FBXW7: variants seen among roughly 807,000 people sequenced by gnomAD.
FBXW7 encodes F-box/WD repeat-containing protein 7.
A neutral mutation model predicts 86.3 loss-of-function variants in FBXW7; 11 were observed. The observed-to-expected ratio is 0.13, with a 90% confidence interval of 0.08 to 0.21. The LOEUF is 0.21. Ranked by LOEUF, FBXW7 falls within the 10% of genes least tolerant of loss-of-function variation. The pLI, the probability that FBXW7 is intolerant of heterozygous loss-of-function variation, is 1.00. For synonymous variants in FBXW7, 313 were observed against 297.9 expected (o/e 1.05, Z -0.52); for missense variants, 488 against 847.4 (o/e 0.58, Z 5.27).
intron 2 of FBXW7, among the ~76,000 whole-genome samples, chr4:152,504,711 T>C (rs1005215296): frequency 3.3e-5 from 5 of 152,168 alleles, no homozygotes; most frequent in Non-Finnish European, 7.4e-5. Flanking sequence ...CTTTATGAAA[T>C]CTAAAGGAAG....
chr4:152,364,200 G>A (rs1473646929), intron 4 of FBXW7, among the ~76,000 whole-genome samples: 2 of 152,146 alleles, frequency 1.3e-5, no homozygotes, highest in East Asian at 1.9e-4. Flanking sequence ...ATTGAGGCCA[G>A]GCAGTCATCA....
In FBXW7 at chr4:152,519,099, C is replaced by A. The variant is rs529700283; in HGVS notation, c.-120+15842G>T. Among the ~76,000 whole-genome samples, 3 of 152,162 alleles carry A rather than the reference C, an allele frequency of 2.0e-5. No homozygotes were observed. The South Asian group carries it at 6.2e-4, about 32-fold the overall frequency. On this transcript the variant is annotated intron_variant, in intron 2 of 13. Transcript: ENST00000281708. ...GGATCACGAGGTCAGGAGATCGAGA[C>A]CATCCTGGCTAACACGGTGAAACCC...
chr4:152,447,246 G>A (rs1280589926), intron 2 of FBXW7, among the ~76,000 whole-genome samples: 3 of 152,122 alleles, frequency 2.0e-5, no homozygotes, highest in Admixed American at 1.3e-4. Flanking sequence ...TTTAATTTTT[G>A]TAAATGTTTT....
chr4:152,428,820 C>G (rs1739612476), intron 2 of FBXW7, among the ~76,000 whole-genome samples: 1 of 152,142 alleles, frequency 6.6e-6, no homozygotes. Context: ...GTTGTTTTGC[C>G]TAAAATCTTA....
intron 2 of FBXW7, among the ~76,000 whole-genome samples, chr4:152,518,970 A>G (rs1198145908): frequency 2.0e-5 from 3 of 152,178 alleles, no homozygotes; most frequent in Non-Finnish European, 4.4e-5. Flanking sequence ...TTAAATTACA[A>G]ACACCAAATC....
At chr4:152,417,668 A>C (rs1306937515) in intron 2 of FBXW7, among the ~76,000 whole-genome samples, 1 of 152,118 alleles carries the variant, frequency 6.6e-6, no homozygotes, top group Non-Finnish European at 1.5e-5. Context: ...CACAGTAAAG[A>C]GTGTCCACAT....
Position 152,443,811 on chromosome 4 carries a change from T to A in FBXW7, c.-119-31282A>T, listed in dbSNP as rs181264483. On this transcript the variant is annotated intron_variant, in intron 2 of 13. Transcript: ENST00000281708. ...AAAGGATTTACAATCTTCTAAAAAATTTTAATGTTTTTCAGAGAAAGTTTG... is the reference window on the plus strand; with the variant it reads ...AAAGGATTTACAATCTTCTAAAAAAATTTAATGTTTTTCAGAGAAAGTTTG... 9.8e-5 allele frequency among the ~76,000 whole-genome samples: 15 copies of A among 152,298 alleles called. No individual in the cohort carries two copies. The East Asian group carries it at 2.5e-3, about 25-fold the overall frequency.
rs1731331466 is a variant in FBXW7 at position 152,347,032 on chromosome 4, AGTT to A, written c.621_623del (p.Thr208del). The stretch of plus-strand genomic sequence containing the variant: ...CATTGGCTGCTCTGAGGTCCCCAAA[AGTT>A]GTTGGTGTTGCTGAACATGGTACAA... On this transcript the variant is annotated inframe_deletion, in exon 6 of 14. Transcript: ENST00000281708. 6.2e-7 allele frequency: 1 copy of A among 1,613,140 alleles called. No individual in the cohort carries two copies. The highest frequency in any genetic ancestry group is 1.3e-5 in the African/African-American group (1 of 74,670).
chr4:152,340,885 G>A (rs1730673367), intron 6 of FBXW7, among the ~76,000 whole-genome samples: 1 of 152,006 alleles, frequency 6.6e-6, no homozygotes, highest in African/African-American at 2.4e-5. Flanking sequence ...CCTCATTTCA[G>A]TAAAATAAAC....
At chr4:152,425,230 A>G (rs1026099871) in intron 2 of FBXW7, among the ~76,000 whole-genome samples, 5 of 152,228 alleles carry the variant, frequency 3.3e-5, no homozygotes, top group Non-Finnish European at 7.3e-5. Context: ...GTGACACACA[A>G]AGACTCTCAA....
At chr4:152,344,015 A>C (rs1296485573) in intron 6 of FBXW7, among the ~76,000 whole-genome samples, 2 of 152,164 alleles carry the variant, frequency 1.3e-5, no homozygotes, top group Non-Finnish European at 2.9e-5. Context: ...GCAATAGCAG[A>C]ACAGTAAGGG....
At chr4:152,388,595 A>G (rs992041445) in intron 4 of FBXW7, among the ~76,000 whole-genome samples, 2 of 152,204 alleles carry the variant, frequency 1.3e-5, no homozygotes, top group African/African-American at 4.8e-5. Context: ...AAAACCAACC[A>G]AAACAAGTGC....
chr4:152,474,063 A>G (rs766354236), intron 2 of FBXW7, among the ~76,000 whole-genome samples: 2 of 152,220 alleles, frequency 1.3e-5, no homozygotes, highest in Non-Finnish European at 2.9e-5. Flanking sequence ...CCAAGAGCCA[A>G]TGGTGACCAA....
At chr4:152,411,119 C>T (rs1237159614) in intron 4 of FBXW7, 184 bp downstream of exon 4, 1 of 1,005,274 alleles carries the variant, frequency 9.9e-7, no homozygotes, top group Non-Finnish European at 1.3e-6. Flanking sequence ...CAGATTGTCC[C>T]ATTATCAGTA....
At chr4:152,519,191 A>C (rs1315584606) in intron 2 of FBXW7, among the ~76,000 whole-genome samples, 1 of 152,124 alleles carries the variant, frequency 6.6e-6, no homozygotes. Context: ...CCAGCTACTC[A>C]GGAGGCTGAG....
intron 4 of FBXW7, among the ~76,000 whole-genome samples, chr4:152,368,034 C>T (rs1262844367): frequency 4.7e-4 from 71 of 151,844 alleles, no homozygotes; most frequent in Non-Finnish European, 8.8e-5. Flanking sequence ...AGCTGAACAA[C>T]CTCTCAAGCT....
intron 6 of FBXW7, among the ~76,000 whole-genome samples, chr4:152,341,825 G>A (rs182745461): frequency 1.3e-5 from 2 of 152,152 alleles, no homozygotes; most frequent in African/African-American, 2.4e-5. Context: ...GTGTGTGCGC[G>A]CGCATGCATG....
chr4:152,520,313 G>T (rs1748894717), intron 2 of FBXW7, among the ~76,000 whole-genome samples: 1 of 151,544 alleles, frequency 6.6e-6, no homozygotes, highest in Non-Finnish European at 1.5e-5. Flanking sequence ...GGCGCCTGTA[G>T]TCCCAGCTAC....
intron 4 of FBXW7, among the ~76,000 whole-genome samples, chr4:152,397,365 T>C (rs1362181553): frequency 6.6e-6 from 1 of 151,970 alleles, no homozygotes; most frequent in Non-Finnish European, 1.5e-5. Flanking sequence ...CCATAGGTCA[T>C]ATGTAGCTCA....
Sources: allele counts gnomAD v4.1 joint callset (sites outside exome capture counted in the v4.1 genomes callset), GRCh38; gene constraint gnomAD v4.1.1; transcripts MANE v1.5; gene names NCBI Gene and HGNC (gene_info 2026-07-23, HGNC 2026-07-21).